The following GMDS variants were observed in gnomAD, a reference collection of about 807,000 sequenced individuals.
GMDS encodes the protein GDP-mannose 4,6-dehydratase, also known as GDP-mannose 4,6 dehydratase.
In GMDS, 20 loss-of-function variants were observed where a neutral mutation model predicts 49.9. That is an observed-to-expected ratio of 0.40 (90% CI 0.28 to 0.58). The LOEUF (loss-of-function observed/expected upper bound fraction) is 0.58. Among genes scored for constraint, GMDS ranks in the 20% least tolerant of loss-of-function variants. The pLI is 0.42. For synonymous variants in GMDS, 177 were observed against 178.6 expected (o/e 0.99, Z 0.07); for missense variants, 362 against 481.4 (o/e 0.75, Z 2.32).
chr6:1,990,492 T>C (rs1311084079), intron 4 of GMDS, among the ~76,000 whole-genome samples: 3 of 152,340 alleles, frequency 2.0e-5, no homozygotes, highest in East Asian at 1.9e-4. Flanking sequence ...TGGTTCTCTG[T>C]TGATCAGTCA....
intron 1 of GMDS, among the ~76,000 whole-genome samples, chr6:2,159,521 T>C (rs187807235): frequency 1.2e-3 from 167 of 139,868 alleles, no homozygotes; most frequent in South Asian, 3.8e-3. Flanking sequence ...TTTCTTTTTT[T>C]TTTTTTTTTT....
intron 6 of GMDS, among the ~76,000 whole-genome samples, chr6:1,956,479 C>T (rs912037157): frequency 2.0e-5 from 3 of 152,106 alleles, no homozygotes; most frequent in Admixed American, 2.0e-4. Flanking sequence ...AGTGAGAGGG[C>T]ACCTTTGACA....
Position 2,141,572 on chromosome 6 carries a change from C to T in GMDS, c.103-16841G>A, listed in dbSNP as rs149881133. Among the ~76,000 whole-genome samples, 30 of 152,200 alleles carry T rather than the reference C, an allele frequency of 2.0e-4. No individual in the cohort carries two copies. The East Asian group carries it at 4.8e-3, about 24-fold the overall frequency. The stretch of plus-strand genomic sequence containing the variant: ...GCCTTCATAAAACCGTGAACGCTGA[C>T]GGAGAGTTGGAAACAGATTCTGAAC... On this transcript the variant is annotated intron_variant, in intron 1 of 10. Transcript: ENST00000380815.
intron 1 of GMDS, among the ~76,000 whole-genome samples, chr6:2,144,745 T>C (rs571501902): frequency 2.6e-5 from 4 of 151,938 alleles, no homozygotes; most frequent in African/African-American, 9.7e-5. Context: ...ATATAGAAAA[T>C]AAAAACCGTA....
chr6:1,990,785 T>G (rs1765890784), intron 4 of GMDS, among the ~76,000 whole-genome samples: 1 of 151,408 alleles, frequency 6.6e-6, no homozygotes, highest in Non-Finnish European at 1.5e-5. Flanking sequence ...TTCACCATGT[T>G]GCTGCCCAAG....
intron 7 of GMDS, among the ~76,000 whole-genome samples, chr6:1,802,919 A>T (rs972213802): frequency 6.6e-6 from 1 of 152,206 alleles, no homozygotes; most frequent in East Asian, 1.9e-4. Context: ...CTCAAAGTGC[A>T]CTTCCTTGGA....
chr6:2,000,434 C>G lies in GMDS; in HGVS notation c.346-39468G>C, dbSNP rs139586705. 2.0e-5 allele frequency among the ~76,000 whole-genome samples: 3 copies of G among 152,096 alleles called. No individual in the cohort carries two copies. In the East Asian group the frequency reaches 5.8e-4, roughly 29 times the overall value. ...AAACTATGTATTCATTAGCAGTCACCTCCCCAACCCCTGTCCCTTCAACCC... is the reference window on the plus strand; with the variant it reads ...AAACTATGTATTCATTAGCAGTCACGTCCCCAACCCCTGTCCCTTCAACCC... On this transcript the variant is annotated intron_variant, in intron 4 of 10. Transcript: ENST00000380815.
At chr6:1,653,746 C>T (rs984692281) in intron 9 of GMDS, among the ~76,000 whole-genome samples, 11 of 152,318 alleles carry the variant, frequency 7.2e-5, no homozygotes, top group Non-Finnish European at 1.6e-4. Flanking sequence ...TGGATATCCA[C>T]ATGCGAAAGA....
intron 7 of GMDS, among the ~76,000 whole-genome samples, chr6:1,848,739 C>T (rs1561843792): frequency 6.6e-6 from 1 of 152,084 alleles, no homozygotes; most frequent in South Asian, 2.1e-4. Context: ...GGGCTGAAGA[C>T]AAGAATTTGT....
chr6:2,059,270 T>C (rs1770977057), intron 4 of GMDS, among the ~76,000 whole-genome samples: 1 of 151,772 alleles, frequency 6.6e-6, no homozygotes, highest in Non-Finnish European at 1.5e-5. Context: ...ATGTAATTTA[T>C]TTGAACTATT....
chr6:2,198,493 C>A (rs1581783865), intron 1 of GMDS, among the ~76,000 whole-genome samples: 1 of 148,252 alleles, frequency 6.7e-6, no homozygotes, highest in South Asian at 2.1e-4. Flanking sequence ...CTTCAATGAC[C>A]AAAAGGTCCA....
At chr6:1,779,940 C>T (rs1207250162) in intron 7 of GMDS, among the ~76,000 whole-genome samples, 3 of 152,210 alleles carry the variant, frequency 2.0e-5, no homozygotes, top group Admixed American at 6.5e-5. Flanking sequence ...TTTCCCAAAT[C>T]CTGCCTCGGT....
At chr6:1,976,978 T>C (rs896485396) in intron 4 of GMDS, among the ~76,000 whole-genome samples, 1 of 152,136 alleles carries the variant, frequency 6.6e-6, no homozygotes, top group Non-Finnish European at 1.5e-5. Flanking sequence ...TGCGGGCTGA[T>C]GAGAAACAAG....
chr6:2,101,529 T>C (rs975795529), intron 4 of GMDS, among the ~76,000 whole-genome samples: 1 of 151,648 alleles, frequency 6.6e-6, no homozygotes, highest in Non-Finnish European at 1.5e-5. Context: ...AATCCCCAGT[T>C]AGAAACTGAG....
rs138251951 is a variant in GMDS at position 1,739,373 on chromosome 6, G to A, written c.890+3095C>T. Reference sequence around the variant, plus strand: ...CGGCTCCTGGCATGCCTCCAGGCTCGCCCTAACCACTCCCTGCGTGCCGCG... The same window carrying A: ...CGGCTCCTGGCATGCCTCCAGGCTCACCCTAACCACTCCCTGCGTGCCGCG... On this transcript the variant is annotated intron_variant, in intron 8 of 10. Coordinates refer to ENST00000380815, the MANE Select transcript of GMDS (RefSeq NM_001500.4). 3.9e-3 allele frequency among the ~76,000 whole-genome samples: 591 copies of A among 152,306 alleles called. 4 individuals carry two copies. Among genetic ancestry groups the A allele is most frequent in the African/African-American group, 0.014 (566 of 41,562 alleles).
Position 2,037,308 on chromosome 6 carries a change from G to T in GMDS, c.346-76342C>A, listed in dbSNP as rs1025926888. On this transcript the variant is annotated intron_variant, in intron 4 of 10. Coordinates refer to ENST00000380815, the MANE Select transcript of GMDS (RefSeq NM_001500.4). ...GTAAACTAGATTAAGTTCTCACACT[G>T]TAGAATCAGTCAAAAAACTACACGA... is the stretch of plus-strand genomic sequence containing the variant. Among the ~76,000 whole-genome samples, 3 of 152,256 alleles carry T rather than the reference G, an allele frequency of 2.0e-5. No individual in the cohort carries two copies. In the East Asian group the frequency reaches 5.8e-4, roughly 29 times the overall value.
chr6:2,088,130 T>C (rs923338678), intron 4 of GMDS, among the ~76,000 whole-genome samples: 14 of 151,872 alleles, frequency 9.2e-5, no homozygotes, highest in African/African-American at 2.7e-4. Context: ...TGCTGTGATA[T>C]AGAGTACAGA....
chr6:1,825,629 C>T (rs1333670268), intron 7 of GMDS, among the ~76,000 whole-genome samples: 2 of 152,196 alleles, frequency 1.3e-5, no homozygotes, highest in Non-Finnish European at 2.9e-5. Context: ...TCTGTATACT[C>T]ATTTAAGCAA....
Position 1,844,730 on chromosome 6 carries a change from C to T in GMDS, c.771+85373G>A, listed in dbSNP as rs149785040. On this transcript the variant is annotated intron_variant, in intron 7 of 10. Coordinates refer to ENST00000380815, the MANE Select transcript of GMDS (RefSeq NM_001500.4). Reference sequence around the variant, plus strand: ...AAGAAAATGGAAGTTCAAGCTGCACCTATCTAGCAACTTTCAGTGACATTA... The same window carrying T: ...AAGAAAATGGAAGTTCAAGCTGCACTTATCTAGCAACTTTCAGTGACATTA... Among the ~76,000 whole-genome samples the T allele has an allele frequency of 4.4e-3, 670 of 152,284 alleles. 3 individuals are homozygous for T. The highest frequency in any genetic ancestry group is 0.016 in the African/African-American group (650 of 41,548).
Sources: gnomAD v4.1 joint callset for allele counts (sites outside exome capture counted in the v4.1 genomes callset) on GRCh38, gnomAD v4.1.1 for gene constraint, MANE v1.5 for transcripts, NCBI Gene and HGNC (gene_info 2026-07-23, HGNC 2026-07-21) for gene names.